Variants in GRAP2 observed in about 807,000 individuals in gnomAD.
GRAP2 encodes the protein GRB2-related adapter protein 2.
In GRAP2, 31 loss-of-function variants were observed where a neutral mutation model predicts 43.5. That is an observed-to-expected ratio of 0.71 (90% confidence interval 0.54 to 0.96). The LOEUF is 0.96. GRAP2 is among the 40% of genes least tolerant of loss of function. The pLI is 0.00. For synonymous variants in GRAP2, 156 were observed against 164.8 expected (o/e 0.95, Z 0.41); for missense variants, 371 against 424.4 (o/e 0.87, Z 1.11).
At chr22:39,952,106 A>C (rs1048989855) in intron 2 of GRAP2, among the ~76,000 whole-genome samples, 2 of 149,492 alleles carry the variant, frequency 1.3e-5, no homozygotes, top group African/African-American at 2.5e-5. Context: ...GGCTCACTGC[A>C]ACCTCCGCCT....
intron 1 of GRAP2, among the ~76,000 whole-genome samples, chr22:39,902,066 T>G (rs933764782): frequency 6.6e-6 from 1 of 152,248 alleles, no homozygotes; most frequent in Non-Finnish European, 1.5e-5. Flanking sequence ...TTACCGTATT[T>G]ATCTACCTGG....
Position 39,955,883 on chromosome 22 carries a change from A to G in GRAP2, c.143A>G (p.Lys48Arg), listed in dbSNP as rs2067044488. The stretch of plus-strand genomic sequence containing the variant: ...GGGAGCCAGGAAGGATATGTGCCCA[A>G]GAATTTCATAGACATCCAGTTTCCC... ...ELGSQEGYVP[K>R]NFIDIQFPKW... is the part of the protein sequence containing the mutation. Residue 48 changes from lysine to arginine, a missense_variant, in exon 3 of 8, where the codon AAG becomes AGG. Physicochemically the swap from Lys to Arg is conservative, Grantham distance 26 (BLOSUM62 2). Coordinates refer to ENST00000344138, the MANE Select transcript of GRAP2 (RefSeq NM_004810.4). 1 of 1,560,704 alleles carries G rather than the reference A, an allele frequency of 6.4e-7. No homozygotes were observed. The highest frequency in any genetic ancestry group is 8.8e-7 in the Non-Finnish European group (1 of 1,131,266).
At chr22:39,937,188 A>G (rs1443040350) in intron 1 of GRAP2, among the ~76,000 whole-genome samples, 26 of 152,310 alleles carry the variant, frequency 1.7e-4, no homozygotes, top group Non-Finnish European at 1.9e-4. Context: ...GATAGACCAT[A>G]TCAATCCATG....
rs533562772 is a variant in GRAP2 at position 39,971,451 on chromosome 22, C to T, written c.*367C>T. 9.4e-5 allele frequency: 21 copies of T among 222,432 alleles called. No homozygotes were observed. Among genetic ancestry groups the T allele is most frequent in the Middle Eastern group, 1.5e-3 (1 of 656 alleles). 13.8% of individuals were successfully genotyped at this position (222,432 alleles called of 1,614,324 possible). ...GAACAGCTAAGCAGAGACCACACCTCGGCACTGGACACAGAACAACAGGGT... is the reference window on the plus strand; with the variant it reads ...GAACAGCTAAGCAGAGACCACACCTTGGCACTGGACACAGAACAACAGGGT... On this transcript the variant is annotated 3_prime_UTR_variant, in exon 8 of 8. Coordinates refer to ENST00000344138, the MANE Select transcript of GRAP2 (RefSeq NM_004810.4).
intron 1 of GRAP2, among the ~76,000 whole-genome samples, chr22:39,919,525 C>T (rs2066632549): frequency 6.6e-6 from 1 of 152,228 alleles, no homozygotes; most frequent in Admixed American, 6.5e-5. Flanking sequence ...CCTTCACAAT[C>T]TTCATGCAAA....
intron 1 of GRAP2, among the ~76,000 whole-genome samples, chr22:39,925,928 G>A (rs2066692685): frequency 6.6e-6 from 1 of 152,094 alleles, no homozygotes; most frequent in South Asian, 2.1e-4. Flanking sequence ...TCACCTCCAG[G>A]AGACTCTCCA....
At chr22:39,931,153 A>G (rs143646939) in intron 1 of GRAP2, among the ~76,000 whole-genome samples, 3 of 152,350 alleles carry the variant, frequency 2.0e-5, no homozygotes, top group African/African-American at 4.8e-5. Context: ...GGCACAGGAA[A>G]TGTTTGTTGA....
chr22:39,910,633 T>C (rs1601688695), intron 1 of GRAP2, among the ~76,000 whole-genome samples: 1 of 151,768 alleles, frequency 6.6e-6, no homozygotes, highest in East Asian at 1.9e-4. Context: ...GGTCTTGAAC[T>C]CCTGACATTG....
chr22:39,894,172 C>G, the GRAP2 span, among the ~76,000 whole-genome samples: 1 of 151,410 alleles, frequency 6.6e-6, no homozygotes, highest in Non-Finnish European at 1.5e-5. Flanking sequence ...TTAAAATTTG[C>G]CATGATAATT....
intron 1 of GRAP2, among the ~76,000 whole-genome samples, chr22:39,903,049 G>A (rs1229780807): frequency 6.6e-6 from 1 of 152,172 alleles, no homozygotes; most frequent in Non-Finnish European, 1.5e-5. Flanking sequence ...ACACCCACTG[G>A]TGTTGATGAC....
intron 4 of GRAP2, among the ~76,000 whole-genome samples, chr22:39,961,787 T>C (rs1023484794): frequency 1.3e-5 from 2 of 152,212 alleles, no homozygotes; most frequent in African/African-American, 4.8e-5. Flanking sequence ...ACCGATCTGG[T>C]TTATTCAATA....
intron 4 of GRAP2, among the ~76,000 whole-genome samples, chr22:39,961,334 G>T (rs2067117641): frequency 6.6e-6 from 1 of 152,172 alleles, no homozygotes; most frequent in South Asian, 2.1e-4. Flanking sequence ...GCCAAAGGAA[G>T]ACTTTGCTTC....
At chr22:39,895,639 T>C in the GRAP2 span, among the ~76,000 whole-genome samples, 3 of 152,324 alleles carry the variant, frequency 2.0e-5, no homozygotes, top group African/African-American at 7.2e-5. Context: ...TATTATCCCA[T>C]TGTACAGGTG....
chr22:39,944,929 T>C (rs2066906932), intron 1 of GRAP2, among the ~76,000 whole-genome samples: 1 of 152,214 alleles, frequency 6.6e-6, no homozygotes, highest in Non-Finnish European at 1.5e-5. Context: ...TTCAGGACCA[T>C]TCACCTGACA....
At chr22:39,953,174 C>T (rs1276798814) in intron 2 of GRAP2, among the ~76,000 whole-genome samples, 8 of 152,164 alleles carry the variant, frequency 5.3e-5, no homozygotes, top group Non-Finnish European at 1.2e-4. Flanking sequence ...GACTCTGAAA[C>T]CCCAAGCCCC....
chr22:39,947,472 A>G, intron 2 of GRAP2: 1 of 407,960 alleles, frequency 2.5e-6, no homozygotes, highest in South Asian at 3.1e-5. Flanking sequence ...CAGGGAGCAC[A>G]GGTGAGGGAA....
chr22:39,926,538 G>T, intron 1 of GRAP2: 23 of 771,144 alleles, frequency 3.0e-5, no homozygotes, highest in South Asian at 5.9e-5. Context: ...AAAGAACCTT[G>T]AGCATAAGGA....
At chr22:39,969,578 G>A in intron 7 of GRAP2, 45 bp downstream of exon 7, 3 of 1,605,644 alleles carry the variant, frequency 1.9e-6, no homozygotes, top group Non-Finnish European at 2.6e-6. Context: ...AAAGGCCTTG[G>A]GACAGAGGTC....
chr22:39,922,453 G>A (rs1209025160), intron 1 of GRAP2, among the ~76,000 whole-genome samples: 2 of 152,202 alleles, frequency 1.3e-5, no homozygotes, highest in Non-Finnish European at 2.9e-5. Context: ...TGGGGCTGCT[G>A]TGACTGAGGC....
Sources: allele counts gnomAD v4.1 joint callset (sites outside exome capture counted in the v4.1 genomes callset), GRCh38; gene constraint gnomAD v4.1.1; transcripts MANE v1.5; gene names NCBI Gene and HGNC (gene_info 2026-07-23, HGNC 2026-07-21).